Variants in NCMAP observed in about 807,000 individuals in gnomAD.
The protein encoded by NCMAP is non-compact myelin associated protein.
In NCMAP, 8 loss-of-function variants were observed where a neutral mutation model predicts 7.8. The observed-to-expected ratio is 1.02, with a 90% CI of 0.60 to 1.84. The LOEUF is 1.84. Among genes scored for constraint, NCMAP ranks in the 40% most tolerant of loss-of-function variants. NCMAP has a pLI of 0.00. For missense variants in NCMAP, 112 were observed against 131.4 expected, an observed-to-expected ratio of 0.85 and a Z score of 0.72; for synonymous variants, 41 against 52.9, an observed-to-expected ratio of 0.78 and a Z score of 0.98.
At chr1:24,563,237 CTT>C (rs1651104330) in intron 1 of NCMAP, among the ~76,000 whole-genome samples, 1 of 152,226 alleles carries the variant, frequency 6.6e-6, no homozygotes, top group Non-Finnish European at 1.5e-5. Flanking sequence ...AATTCAGTGA[CTT>C]GGCCGGGCAA....
intron 1 of NCMAP, among the ~76,000 whole-genome samples, chr1:24,575,968 A>G (rs1651546745): frequency 6.6e-6 from 1 of 151,346 alleles, no homozygotes; most frequent in African/African-American, 2.4e-5. Context: ...TGGAGAGGAG[A>G]AGAAAGCGCC....
At chr1:24,571,894 T>C (rs1557594594) in intron 1 of NCMAP, among the ~76,000 whole-genome samples, 1 of 150,906 alleles carries the variant, frequency 6.6e-6, no homozygotes, top group Admixed American at 6.6e-5. Flanking sequence ...AAGAAAAAAA[T>C]TATGAATGAG....
At chr1:24,574,794 C>CTTTTTTTTT (rs772381377) in intron 1 of NCMAP, among the ~76,000 whole-genome samples, 1 of 131,834 alleles carries the variant, frequency 7.6e-6, no homozygotes, top group African/African-American at 2.9e-5. Flanking sequence ...GCCCGCAATA[C>CTTTTTTTTT]TTTTTTTTTT....
intron 1 of NCMAP, among the ~76,000 whole-genome samples, chr1:24,567,222 T>C (rs957390866): frequency 6.6e-6 from 1 of 152,358 alleles, no homozygotes; most frequent in Admixed American, 6.5e-5. Flanking sequence ...GGCCTTGTGC[T>C]GGGTGCTGGC....
chr1:24,602,569 CAAAAAAAAAAAA>C (rs10630961), intron 3 of NCMAP, among the ~76,000 whole-genome samples: 1 of 40,064 alleles, frequency 2.5e-5, no homozygotes, highest in African/African-American at 1.5e-4. Flanking sequence ...GACTCCATCT[CAAAAAAAAAAAA>C]AAAAAAAAAA....
chr1:24,567,114 C>G (rs950837759), intron 1 of NCMAP, among the ~76,000 whole-genome samples: 4 of 152,158 alleles, frequency 2.6e-5, no homozygotes, highest in Non-Finnish European at 5.9e-5. Context: ...TCGGAGCCAA[C>G]CCATCCTCAG....
At chr1:24,565,738 C>T (rs1651211031) in intron 1 of NCMAP, among the ~76,000 whole-genome samples, 1 of 151,958 alleles carries the variant, frequency 6.6e-6, no homozygotes, top group African/African-American at 2.4e-5. Context: ...GCTGAGACTA[C>T]AGGTGCACAC....
intron 1 of NCMAP, among the ~76,000 whole-genome samples, chr1:24,592,358 T>G (rs1652072629): frequency 6.6e-6 from 1 of 152,160 alleles, no homozygotes; most frequent in Non-Finnish European, 1.5e-5. Flanking sequence ...TAGTATTCCC[T>G]GTGTACTCCC....
chr1:24,580,396 G>C (rs1241523125), intron 1 of NCMAP, among the ~76,000 whole-genome samples: 1 of 152,162 alleles, frequency 6.6e-6, no homozygotes, highest in African/African-American at 2.4e-5. Context: ...CAGTGGTGAG[G>C]ACGGAGGGAA....
At chr1:24,600,499 G>T (rs11249139) in intron 2 of NCMAP, among the ~76,000 whole-genome samples, 1 of 152,226 alleles carries the variant, frequency 6.6e-6, no homozygotes, top group East Asian at 1.9e-4. Flanking sequence ...GGTGAATGTA[G>T]ATATGCAGAC....
At position 24,607,143 on chromosome 1, in the gene NCMAP, T is replaced by A. The variant is rs957193953; in HGVS notation, c.*1396T>A. ...CAGAGTAGCTGGGACTACAGGTATGTGTCACCTCACCAGGCTAATTTTTTT... is the reference window on the plus strand; with the variant it reads ...CAGAGTAGCTGGGACTACAGGTATGAGTCACCTCACCAGGCTAATTTTTTT... On this transcript the variant is annotated 3_prime_UTR_variant, in exon 4 of 4. Coordinates refer to ENST00000374392, the MANE Select transcript of NCMAP (RefSeq NM_001010980.5). The A allele has an allele frequency of 7.2e-5, 11 of 152,136 alleles. No individual in the cohort carries two copies. The highest frequency in any genetic ancestry group is 2.7e-4 in the African/African-American group (11 of 41,482). The allele number at this position is 152,136 out of a possible 1,614,324, so 9.4% of individuals were successfully genotyped here.
At chr1:24,601,927 G>A (rs1380070648) in intron 3 of NCMAP, among the ~76,000 whole-genome samples, 1 of 152,066 alleles carries the variant, frequency 6.6e-6, no homozygotes, top group Non-Finnish European at 1.5e-5. Context: ...TGTAGTCCCA[G>A]CTACTCGGGA....
intron 1 of NCMAP, among the ~76,000 whole-genome samples, chr1:24,590,955 G>A (rs1652029194): frequency 6.6e-6 from 1 of 152,236 alleles, no homozygotes; most frequent in Non-Finnish European, 1.5e-5. Context: ...CTTAGGGAAA[G>A]GGAGAGGCAG....
chr1:24,570,772 G>A (rs929992959), intron 1 of NCMAP, among the ~76,000 whole-genome samples: 7 of 150,988 alleles, frequency 4.6e-5, no homozygotes, highest in Non-Finnish European at 1.0e-4. Flanking sequence ...CACATGGGGG[G>A]AAGGTACATG....
intron 1 of NCMAP, among the ~76,000 whole-genome samples, chr1:24,568,728 GT>G (rs1391203490): frequency 6.6e-6 from 1 of 152,110 alleles, no homozygotes; most frequent in Non-Finnish European, 1.5e-5. Flanking sequence ...ACCACTACTG[GT>G]TCATTTTCAA....
At chr1:24,580,867 T>G in intron 1 of NCMAP, among the ~76,000 whole-genome samples, 1 of 152,216 alleles carries the variant, frequency 6.6e-6, no homozygotes, top group Non-Finnish European at 1.5e-5. Flanking sequence ...TTAATTGGTT[T>G]CCTAGTCTGT....
rs759318343 is a variant in NCMAP, at chr1:24,605,603, C to T, written c.168-3C>T. On this transcript the variant is annotated splice_region_variant and splice_polypyrimidine_tract_variant and intron_variant, in intron 3 of 3. Coordinates refer to ENST00000374392, the MANE Select transcript of NCMAP (RefSeq NM_001010980.5). Reference sequence around the variant, plus strand: ...CAACCATGTGCACATTATCTCCCTACAGGAAAATGAGGACGAGGCGGGAAC... The same window carrying T: ...CAACCATGTGCACATTATCTCCCTATAGGAAAATGAGGACGAGGCGGGAAC... The T allele has an allele frequency of 1.9e-6, 3 of 1,614,134 alleles. No homozygotes were observed. The highest frequency in any genetic ancestry group is 1.7e-5 in the Admixed American group (1 of 60,006).
intron 1 of NCMAP, among the ~76,000 whole-genome samples, chr1:24,562,271 G>A (rs1048278806): frequency 6.6e-6 from 1 of 152,158 alleles, no homozygotes; most frequent in African/African-American, 2.4e-5. Context: ...CCTTTAATGT[G>A]CCAGGCATTC....
At chr1:24,583,482 G>T (rs1302279104) in intron 1 of NCMAP, among the ~76,000 whole-genome samples, 1 of 152,188 alleles carries the variant, frequency 6.6e-6, no homozygotes, top group Non-Finnish European at 1.5e-5. Flanking sequence ...GGGAGACCAA[G>T]GCGGGCGGAT....
Sources: gnomAD v4.1 joint callset for allele counts (sites outside exome capture counted in the v4.1 genomes callset) on GRCh38, gnomAD v4.1.1 for gene constraint, MANE v1.5 for transcripts, NCBI Gene and HGNC (gene_info 2026-07-23, HGNC 2026-07-21) for gene names.